Variants in APOBEC3B observed in about 807,000 individuals in gnomAD.
APOBEC3B encodes the protein apolipoprotein B mRNA editing enzyme catalytic subunit 3B.
In APOBEC3B, 29 loss-of-function variants were observed where a neutral mutation model predicts 53.4. That is an observed-to-expected ratio of 0.54 (90% CI 0.40 to 0.74). The LOEUF is 0.74. APOBEC3B is among the 30% of genes least tolerant of loss of function. The probability of loss-of-function intolerance (pLI) is 0.00; values close to 1 mark genes in which losing one functional copy is unlikely to be tolerated. For synonymous variants in APOBEC3B, 132 were observed against 184.8 expected (o/e 0.71, Z 2.32); for missense variants, 347 against 496.2 (o/e 0.70, Z 2.86).
Position 38,992,055 on chromosome 22 carries a change from C to A in APOBEC3B, c.1040C>A (p.Thr347Asn). The change falls in exon 7 of 8, where the codon ACC becomes AAC. Residue 347 changes from threonine to asparagine, a missense_variant. Transcript: ENST00000333467. ...TCAGAGTTTGAGTACTGCTGGGACA[C>A]CTTTGTGTACCGCCAGGGATGTCCC... Reference protein sequence around the residue: ...TYDEFEYCWDTFVYRQGCPFQ... With the variant: ...TYDEFEYCWDNFVYRQGCPFQ... 2 of 1,589,108 alleles carry A rather than the reference C, an allele frequency of 1.3e-6. No individual in the cohort carries two copies. The highest frequency in any genetic ancestry group is 1.7e-6 in the Non-Finnish European group (2 of 1,170,494).
In APOBEC3B at chr22:38,985,775, C is replaced by G. The variant is rs372574079; in HGVS notation, c.175-37C>G. On this transcript the variant is annotated intron_variant, in intron 2 of 7. Transcript: ENST00000333467. Reference sequence around the variant, plus strand: ...CACCCCTGCACTCCTCCTGCTCCCCCTCTCAGAGCATCCCCTGCCCCCTGC... The same window carrying G: ...CACCCCTGCACTCCTCCTGCTCCCCGTCTCAGAGCATCCCCTGCCCCCTGC... 8 of 1,556,524 alleles carry G rather than the reference C, an allele frequency of 5.1e-6. 1 individual carries two copies. Among genetic ancestry groups the G allele is most frequent in the East Asian group, 2.5e-5 (1 of 39,658 alleles).
rs570632492 is a variant in APOBEC3B at position 38,985,190 on chromosome 22, G to A, written c.175-622G>A. Among the ~76,000 whole-genome samples the A allele has an allele frequency of 5.5e-4, 82 of 148,122 alleles. 5 individuals are homozygous for A. The highest frequency in any genetic ancestry group is 7.3e-4 in the Non-Finnish European group (49 of 67,194). On this transcript the variant is annotated intron_variant, in intron 2 of 7. Transcript: ENST00000333467. ...GCTGGGGTTACAAGCATGAGTCACC[G>A]CACCTGGCCACTTCCCACAGTTCTG...
At chr22:38,989,676 G>T (rs1408429922) in intron 5 of APOBEC3B, 66 bp downstream of exon 5, 9 of 1,398,130 alleles carry the variant, frequency 6.4e-6, no homozygotes, top group Non-Finnish European at 9.6e-7. Context: ...ATAGATAGAA[G>T]GTTCTGGGTG....
rs1924019553 is a variant in APOBEC3B at position 38,991,968 on chromosome 22, A to C, written c.1019-66A>C. 8.1e-6 allele frequency: 12 copies of C among 1,486,226 alleles called. 2 individuals are homozygous for C. Among genetic ancestry groups the C allele is most frequent in the Middle Eastern group, 2.0e-4 (1 of 4,898 alleles). The allele number at this position is 1,486,226 out of a possible 1,614,324, so 92.1% of individuals were successfully genotyped here. On this transcript the variant is annotated intron_variant, in intron 6 of 7. Coordinates refer to ENST00000333467, the MANE Select transcript of APOBEC3B (RefSeq NM_004900.5). ...ATGTGGGAAGTCTGTCCTGAGAGTC[A>C]TGGGCCCTTGGTGCTGCCCCCTCCC...
chr22:38,983,094 G>A lies in APOBEC3B; in HGVS notation c.17+624G>A, dbSNP rs545989260. Among the ~76,000 whole-genome samples, 20 of 148,138 alleles carry A rather than the reference G, an allele frequency of 1.4e-4. 2 individuals are homozygous for A. The highest frequency in any genetic ancestry group is 6.8e-4 in the East Asian group (3 of 4,380). ...AACACTTTGGGAGGCCAAGGCGGGC[G>A]GATCATGAGGTCGGGAGTTTGAGAC... On this transcript the variant is annotated intron_variant, in intron 1 of 7. Transcript: ENST00000333467.
chr22:38,992,753 C>A lies in APOBEC3B; in HGVS notation c.*308C>A. ...TTTAGACTAATAAAACATTAAGAAT[C>A]TTCCATAATTGTTTCCACAAACACT... is the stretch of plus-strand genomic sequence containing the variant. On this transcript the variant is annotated 3_prime_UTR_variant, in exon 8 of 8. Coordinates refer to ENST00000333467, the MANE Select transcript of APOBEC3B (RefSeq NM_004900.5). The A allele has an allele frequency of 1.4e-6, 1 of 712,230 alleles. No individual in the cohort carries two copies. The allele number at this position is 712,230 out of a possible 1,614,324, so 44.1% of individuals were successfully genotyped here. A position where few individuals can be genotyped will look rare whatever the true frequency, so the allele number is the denominator to read the frequency against.
chr22:38,987,196 G>T (rs914380729), intron 4 of APOBEC3B, among the ~76,000 whole-genome samples: 4 of 148,812 alleles, frequency 2.7e-5, no homozygotes, highest in African/African-American at 4.9e-5. Context: ...ACCACTGCCC[G>T]CTCTGCCCAT....
rs1053813 is a variant in APOBEC3B, at chr22:38,992,067, G to T, written c.1052G>T (p.Arg351Leu). ...FEYCWDTFVYRQGCPFQPWDG... is the reference protein window; with the variant it reads ...FEYCWDTFVYLQGCPFQPWDG... The stretch of plus-strand genomic sequence containing the variant: ...TACTGCTGGGACACCTTTGTGTACC[G>T]CCAGGGATGTCCCTTCCAGCCCTGG... Residue 351 changes from arginine to leucine, a missense_variant, in exon 7 of 8, where the codon CGC (arginine) becomes CTC (leucine). Arg to Leu is a moderately radical substitution (Grantham distance 102). This residue lies in a region of APOBEC3B where 78 missense variants were observed against 103.9 expected (regional missense o/e 0.75). Transcript: ENST00000333467. 3.1e-6 allele frequency: 5 copies of T among 1,590,500 alleles called. No individual in the cohort carries two copies. The highest frequency in any genetic ancestry group is 3.4e-6 in the Non-Finnish European group (4 of 1,171,182).
rs1923741296 is a variant in APOBEC3B, at chr22:38,986,387, C to T, written c.544C>T (p.His182Tyr). 2 of 1,593,814 alleles carry T rather than the reference C, an allele frequency of 1.3e-6. No individual in the cohort carries two copies. Among genetic ancestry groups the T allele is most frequent in the Non-Finnish European group, 8.5e-7 (1 of 1,172,584 alleles). ...YKFDENYAFLHRTLKEILRYL... is the reference protein window; with the variant it reads ...YKFDENYAFLYRTLKEILRYL... ...ATTCGATGAAAATTATGCATTCCTGCACCGCACGCTAAAGGAGATTCTCAG... is the reference window on the plus strand; with the variant it reads ...ATTCGATGAAAATTATGCATTCCTGTACCGCACGCTAAAGGAGATTCTCAG... Residue 182 changes from histidine to tyrosine, a missense_variant, in exon 4 of 8, where the codon CAC becomes TAC. Around this residue, in one of 5 missense-constraint regions of APOBEC3B, gnomAD observed 156 missense variants for 166.7 expected, o/e 0.94. Transcript: ENST00000333467.
At chr22:38,986,517 TG>T in intron 4 of APOBEC3B, 105 bp downstream of exon 4, 3 of 1,283,938 alleles carry the variant, frequency 2.3e-6, no homozygotes, top group Non-Finnish European at 3.1e-6. Flanking sequence ...ACCCACTGCC[TG>T]CCCTCATGGT....
chr22:38,986,168 TG>T (rs1923730582), intron 3 of APOBEC3B, 77 bp downstream of exon 3: 2 of 1,573,726 alleles, frequency 1.3e-6, no homozygotes, highest in African/African-American at 1.4e-5. Context: ...ATGCCATGGC[TG>T]GGGGTGTCCC....
At chr22:38,986,528 T>A in intron 4 of APOBEC3B, 116 bp downstream of exon 4, 1 of 1,199,328 alleles carries the variant, frequency 8.3e-7, no homozygotes, top group Non-Finnish European at 1.1e-6. Flanking sequence ...GCCCTCATGG[T>A]CACACCACCT....
At chr22:38,982,954 C>T (rs73419942) in intron 1 of APOBEC3B, among the ~76,000 whole-genome samples, 1 of 148,564 alleles carries the variant, frequency 6.7e-6, no homozygotes, top group African/African-American at 2.4e-5. Context: ...ATCGTGTCAT[C>T]CAAGGATGAC....
chr22:38,982,915 G>A (rs1479486138), intron 1 of APOBEC3B, among the ~76,000 whole-genome samples: 3 of 148,798 alleles, frequency 2.0e-5, no homozygotes, highest in Non-Finnish European at 3.0e-5. Flanking sequence ...GGGTGCGGGG[G>A]TAGGAATGGT....
At chr22:38,989,694 T>G in intron 5 of APOBEC3B, 84 bp downstream of exon 5, 1 of 1,315,776 alleles carries the variant, frequency 7.6e-7, no homozygotes, top group Non-Finnish European at 1.0e-6. Context: ...GTGGTGCCTG[T>G]GGTTTCCTGC....
chr22:38,989,113 G>A (rs1393996934), intron 4 of APOBEC3B, among the ~76,000 whole-genome samples: 1 of 148,316 alleles, frequency 6.7e-6, no homozygotes, highest in Non-Finnish European at 1.5e-5. Flanking sequence ...TGGGTGAGCA[G>A]AGCCAGGACA....
At chr22:38,988,735 T>C (rs142932204) in intron 4 of APOBEC3B, among the ~76,000 whole-genome samples, 1,655 of 119,648 alleles carry the variant, frequency 0.014, 127 homozygotes, top group African/African-American at 0.044. Context: ...CTTTCTTTCT[T>C]TCTTTCTTTC....
chr22:38,983,983 G>A lies in APOBEC3B; in HGVS notation c.18-92G>A, dbSNP rs1166306148. ...CTGTGGAGGGGTCGGGGAGGCCCAG[G>A]GCCATCCTGGGAGCTGTGTTCAGTG... On this transcript the variant is annotated intron_variant, in intron 1 of 7. Transcript: ENST00000333467. 35 of 1,445,498 alleles carry A rather than the reference G, an allele frequency of 2.4e-5. 1 individual carries two copies. Among genetic ancestry groups the A allele is most frequent in the Non-Finnish European group, 3.2e-5 (35 of 1,081,982 alleles). The allele number at this position is 1,445,498 out of a possible 1,614,324, so 89.5% of individuals were successfully genotyped here. A position where few individuals can be genotyped will look rare whatever the true frequency, so the allele number is the denominator to read the frequency against.
Position 38,984,715 on chromosome 22 carries a change from A to G in APOBEC3B, c.174+484A>G, listed in dbSNP as rs1245578714. On this transcript the variant is annotated intron_variant, in intron 2 of 7. Coordinates refer to ENST00000333467, the MANE Select transcript of APOBEC3B (RefSeq NM_004900.5). ...TGGCCTTGACTTTTCAGGCAGTGTTATAACTGTCGTTGGAGTGAGCTGGCT... is the reference window on the plus strand; with the variant it reads ...TGGCCTTGACTTTTCAGGCAGTGTTGTAACTGTCGTTGGAGTGAGCTGGCT... 2.7e-5 allele frequency among the ~76,000 whole-genome samples: 4 copies of G among 148,036 alleles called. 1 individual carries two copies. The Admixed American group carries it at 2.8e-4, about 10-fold the overall frequency.
Sources: allele counts gnomAD v4.1 joint callset (sites outside exome capture counted in the v4.1 genomes callset), GRCh38; gene constraint gnomAD v4.1.1; regional missense constraint gnomAD v4.1.1; transcripts MANE v1.5; gene names NCBI Gene and HGNC (gene_info 2026-07-23, HGNC 2026-07-21).